Variants in RGSL1 observed in about 807,000 individuals in gnomAD.
The protein encoded by RGSL1 is regulator of G protein signaling like 1.
A neutral mutation model predicts 124.7 loss-of-function variants in RGSL1; 97 were observed. That is an observed-to-expected ratio of 0.78 (90% CI 0.66 to 0.92). The LOEUF (loss-of-function observed/expected upper bound fraction) is 0.92. Ranked by LOEUF, RGSL1 falls within the 40% of genes least tolerant of loss-of-function variation. The pLI is 0.00. For synonymous variants in RGSL1, 424 were observed against 438.1 expected, an observed-to-expected ratio of 0.97 and a Z score of 0.40; for missense variants, 1,233 against 1,288.4, an observed-to-expected ratio of 0.96 and a Z score of 0.66.
chr1:182,531,100 G>A (rs1429391963), intron 13 of RGSL1, among the ~76,000 whole-genome samples, 190 bp downstream of exon 13: 1 of 152,140 alleles, frequency 6.6e-6, no homozygotes, highest in African/African-American at 2.4e-5. Flanking sequence ...TACAGGGGTT[G>A]GACACATGGA....
chr1:182,554,538 C>T, intron 19 of RGSL1, 89 bp from the exon 20 acceptor site: 2 of 1,165,416 alleles, frequency 1.7e-6, no homozygotes, highest in Non-Finnish European at 2.5e-6. Flanking sequence ...TGGAAGCCCA[C>T]CCAGCATGGT....
intron 4 of RGSL1, among the ~76,000 whole-genome samples, chr1:182,468,011 GA>G (rs1571496872): frequency 6.6e-6 from 1 of 152,140 alleles, no homozygotes; most frequent in African/African-American, 2.4e-5. Flanking sequence ...AAGACAACAT[GA>G]AAAAATGCTC....
At chr1:182,553,568 T>C (rs925565733) in intron 19 of RGSL1, 27 bp downstream of exon 19, 3 of 1,543,264 alleles carry the variant, frequency 1.9e-6, no homozygotes, top group Non-Finnish European at 2.6e-6. Flanking sequence ...TCCCCACTGA[T>C]AGTTTGCTAC....
intron 8 of RGSL1, among the ~76,000 whole-genome samples, chr1:182,491,789 T>A (rs913565384): frequency 2.6e-5 from 4 of 151,972 alleles, no homozygotes; most frequent in African/African-American, 4.8e-5. Flanking sequence ...GCCTAGAGAG[T>A]TCCAGGAGAA....
intron 15 of RGSL1, among the ~76,000 whole-genome samples, chr1:182,542,378 G>C (rs772873302): frequency 2.0e-5 from 3 of 152,094 alleles, no homozygotes; most frequent in Non-Finnish European, 2.9e-5. Flanking sequence ...GGCTGCAAAG[G>C]CATGGATTTA....
At chr1:182,526,417 C>T (rs1467650382) in intron 10 of RGSL1, among the ~76,000 whole-genome samples, 1 of 152,088 alleles carries the variant, frequency 6.6e-6, no homozygotes, top group Non-Finnish European at 1.5e-5. Flanking sequence ...CCTACAATCT[C>T]GGCACTATGG....
intron 9 of RGSL1, among the ~76,000 whole-genome samples, chr1:182,508,553 C>A (rs932678821): frequency 6.6e-6 from 1 of 151,874 alleles, no homozygotes; most frequent in Non-Finnish European, 1.5e-5. Context: ...CCCGCCTCAG[C>A]CTCCCAAAGT....
chr1:182,510,969 C>CT (rs1291155079), intron 9 of RGSL1, among the ~76,000 whole-genome samples: 26 of 151,842 alleles, frequency 1.7e-4, no homozygotes, highest in Admixed American at 1.5e-3. Flanking sequence ...GTTGCTGGTG[C>CT]TTTTTTTTCT....
Position 182,474,258 on chromosome 1 carries a change from C to A in RGSL1, c.1147C>A (p.Pro383Thr), listed in dbSNP as rs796651047. ...GTGTGCTGATGCCTGTGCAGGGAAC[C>A]CTTTCCGGGACCACCTGAAGAAGCT... is the stretch of plus-strand genomic sequence containing the variant. Reference protein sequence around the residue: ...ALCADACAGNPFRDHLKKLNL... With the variant: ...ALCADACAGNTFRDHLKKLNL... Residue 383 changes from proline to threonine, a missense_variant, in exon 6 of 22, where the codon CCT (proline) becomes ACT (threonine). Transcript: ENST00000294854. 29 of 1,551,668 alleles carry A rather than the reference C, an allele frequency of 1.9e-5. No individual in the cohort carries two copies. The Admixed American group carries it at 5.7e-4, about 30-fold the overall frequency.
At position 182,473,899 on chromosome 1, in the gene RGSL1, C is replaced by G. The variant is rs1313778670; in HGVS notation, c.788C>G (p.Ser263Cys). 3 of 1,551,812 alleles carry G rather than the reference C, an allele frequency of 1.9e-6. No homozygotes were observed. Among genetic ancestry groups the G allele is most frequent in the Non-Finnish European group, 2.6e-6 (3 of 1,147,046 alleles). ...ATGTGGCAATTGGTAGATCCTGACT[C>G]TTGGTCTCTGGAAATGGATCTCAAG... ...RKMWQLVDPD[S>C]WSLEMDLKPD... Residue 263 changes from serine to cysteine, a missense_variant, in exon 6 of 22, where the codon TCT becomes TGT. Coordinates refer to ENST00000294854, the MANE Select transcript of RGSL1 (RefSeq NM_001137669.2).
In RGSL1 at chr1:182,474,451, T is replaced by C. The variant is rs2102042724; in HGVS notation, c.1340T>C (p.Leu447Pro). ...LNEQIGPCLP[L>P]KSQTIQGLKE... ...GAGCAGATTGGTCCGTGCTTACCAC[T>C]CAAATCCCAAACCATTCAGGGCCTG... The change falls in exon 6 of 22, where the codon CTC (leucine) becomes CCC (proline). Residue 447 changes from leucine (L) to proline (P), a missense_variant. Transcript: ENST00000294854. 1.3e-6 allele frequency: 2 copies of C among 1,551,994 alleles called. No individual in the cohort carries two copies. Among genetic ancestry groups the C allele is most frequent in the East Asian group, 2.4e-5 (1 of 40,920 alleles).
intron 6 of RGSL1, among the ~76,000 whole-genome samples, chr1:182,485,030 A>G (rs934192173): frequency 6.6e-6 from 1 of 150,748 alleles, no homozygotes; most frequent in African/African-American, 2.4e-5. Context: ...CACAGTGTCA[A>G]CTCCTTCTCT....
rs1660696899 is a variant in RGSL1 at position 182,553,620 on chromosome 1, T to G, written c.3130+79T>G. The G allele has an allele frequency of 6.5e-6, 8 of 1,238,394 alleles. No individual in the cohort carries two copies. In the East Asian group the frequency reaches 1.8e-4, roughly 28 times the overall value. 76.7% of individuals were successfully genotyped at this position (1,238,394 alleles called of 1,614,324 possible). On this transcript the variant is annotated intron_variant, in intron 19 of 21. Transcript: ENST00000294854. ...TTTAAAACCAGCTTGGCCAATCCCC[T>G]TATTGACAATAAGGAGACTGAGACC...
At chr1:182,545,438 A>G (rs952932757) in intron 15 of RGSL1, among the ~76,000 whole-genome samples, 3 of 152,310 alleles carry the variant, frequency 2.0e-5, no homozygotes, top group African/African-American at 7.2e-5. Flanking sequence ...AGTGAATTGC[A>G]CACCACAATT....
rs557155006 is a variant in RGSL1 at position 182,554,686 on chromosome 1, G to T, written c.3190G>T (p.Val1064Phe). Reference sequence around the variant, plus strand: ...GGTATCTGCCATGCAGCTGCATCCCGTCCAGGGGTAGGCATGAGCTGGAAA... The same window carrying T: ...GGTATCTGCCATGCAGCTGCATCCCTTCCAGGGGTAGGCATGAGCTGGAAA... Reference protein sequence around the residue: ...LVVSAMQLHPVQGQKLSYIKK... With the variant: ...LVVSAMQLHPFQGQKLSYIKK... The change falls in exon 20 of 22, where the codon GTC becomes TTC. Residue 1064 changes from valine (V) to phenylalanine (F), a missense_variant. Coordinates refer to ENST00000294854, the MANE Select transcript of RGSL1 (RefSeq NM_001137669.2). 6.4e-7 allele frequency: 1 copy of T among 1,551,502 alleles called. No individual in the cohort carries two copies. Among genetic ancestry groups the T allele is most frequent in the Non-Finnish European group, 8.7e-7 (1 of 1,146,982 alleles).
chr1:182,500,200 G>T (rs1417011640), intron 9 of RGSL1, among the ~76,000 whole-genome samples: 1 of 152,184 alleles, frequency 6.6e-6, no homozygotes, highest in African/African-American at 2.4e-5. Flanking sequence ...GTGGTGTGAG[G>T]AAAGAGTTTA....
rs115529846 is a variant in RGSL1, at chr1:182,552,051, G to A, written c.3043+842G>A. Among the ~76,000 whole-genome samples, 985 of 152,164 alleles carry A rather than the reference G, an allele frequency of 6.5e-3. 4 individuals are homozygous for A. Among genetic ancestry groups the A allele is most frequent in the African/African-American group, 0.023 (939 of 41,506 alleles). On this transcript the variant is annotated intron_variant, in intron 18 of 21. Transcript: ENST00000294854. ...GATATTCACACAACCACAAAATCAC[G>A]TAATGACACATTTCTCAGAATGTAT...
At chr1:182,531,979 A>G (rs1659205387) in intron 13 of RGSL1, among the ~76,000 whole-genome samples, 1 of 152,166 alleles carries the variant, frequency 6.6e-6, no homozygotes, top group Admixed American at 6.5e-5. Flanking sequence ...TTTTTATCCT[A>G]AATTCAGTGC....
At chr1:182,538,532 A>G (rs1419432094) in intron 14 of RGSL1, among the ~76,000 whole-genome samples, 10 of 152,266 alleles carry the variant, frequency 6.6e-5, no homozygotes, top group South Asian at 2.1e-4. Context: ...CCTCTCAAAA[A>G]AAAAAAAAAT....
Sources: allele counts gnomAD v4.1 joint callset (sites outside exome capture counted in the v4.1 genomes callset), GRCh38; gene constraint gnomAD v4.1.1; transcripts MANE v1.5; gene names NCBI Gene and HGNC (gene_info 2026-07-23, HGNC 2026-07-21).